Variants in MKI67 observed in about 807,000 individuals in gnomAD.
MKI67 encodes marker of proliferation Ki-67, also known as proliferation marker protein Ki-67.
A neutral mutation model predicts 233.5 loss-of-function variants in MKI67; 152 were observed. The observed-to-expected ratio is 0.65, with a 90% CI of 0.57 to 0.74. MKI67 has a LOEUF of 0.74. Ranked by LOEUF, MKI67 falls within the 30% of genes least tolerant of loss-of-function variation. MKI67 has a pLI of 0.00. For synonymous variants in MKI67, 1,465 were observed against 1,418.5 expected (o/e 1.03, Z -0.74); for missense variants, 3,940 against 3,885.2 (o/e 1.01, Z -0.37).
intron 5 of MKI67, among the ~76,000 whole-genome samples, chr10:128,116,975 A>T (rs1852820917): frequency 6.6e-6 from 1 of 152,334 alleles, no homozygotes; most frequent in South Asian, 2.1e-4. Flanking sequence ...ACTTTTAAAG[A>T]CTGTTTGAGA....
At chr10:128,118,294 G>T (rs1040057350) in intron 5 of MKI67, among the ~76,000 whole-genome samples, 1 of 151,926 alleles carries the variant, frequency 6.6e-6, no homozygotes, top group Non-Finnish European at 1.5e-5. Flanking sequence ...TACTCGGGAG[G>T]CTGAGGCAGG....
intron 5 of MKI67, 144 bp downstream of exon 5, chr10:128,119,109 G>T (rs975920403): frequency 1.2e-5 from 8 of 655,642 alleles, no homozygotes; most frequent in Non-Finnish European, 2.2e-5. Context: ...AGTTCAACTC[G>T]TTTTTATACT....
rs1388835536 is a variant in MKI67 at position 128,119,248 on chromosome 10, A to G, written c.354+5T>C. On this transcript the variant is annotated splice_donor_5th_base_variant and intron_variant, in intron 5 of 14. Coordinates refer to ENST00000368654, the MANE Select transcript of MKI67 (RefSeq NM_002417.5). ...ATCAGCCCAAACTTGGATATTTTCT[A>G]TCACCTGTTCACGTATTTTTCTTGG... 8 of 1,595,642 alleles carry G rather than the reference A, an allele frequency of 5.0e-6. No homozygotes were observed. The highest frequency in any genetic ancestry group is 6.9e-6 in the Non-Finnish European group (8 of 1,164,032).
In MKI67 at chr10:128,108,680, T is replaced by G; in HGVS notation, c.3160A>C (p.Thr1054Pro). 1 of 1,614,200 alleles carries G rather than the reference T, an allele frequency of 6.2e-7. No homozygotes were observed. Among genetic ancestry groups the G allele is most frequent in the Non-Finnish European group, 8.5e-7 (1 of 1,180,026 alleles). The stretch of plus-strand genomic sequence containing the variant: ...CCATCTCCTGCTGGCTCTCTGTGCG[T>G]GTGCGTGGTCTCCCCTGACGTCCGT... ...FTRTSGETTHTHREPAGDGKS... is the reference protein window; with the variant it reads ...FTRTSGETTHPHREPAGDGKS... The change falls in exon 13 of 15, where the codon ACG becomes CCG. Residue 1054 changes from threonine to proline, a missense_variant. Coordinates refer to ENST00000368654, the MANE Select transcript of MKI67 (RefSeq NM_002417.5).
Position 128,105,657 on chromosome 10 carries a change from CCT to C in MKI67, c.6181_6182del (p.Arg2061ValfsTer6). ...CCTCTTCCTTAGGTGTTCTTGGCCACCTCTCCATCCCAGTTCCATAGTTTGCT... is the reference window on the plus strand; with the variant it reads ...CCTCTTCCTTAGGTGTTCTTGGCCACCTCCATCCCAGTTCCATAGTTTGCT... ...DPANYGTGME[R>X]WPRTPKEEAQ... On this transcript the variant is annotated frameshift_variant, in exon 13 of 15. Transcript: ENST00000368654. LOFTEE classifies it high-confidence loss of function. 1 of 1,613,306 alleles carries C rather than the reference CCT, an allele frequency of 6.2e-7. No homozygotes were observed. Among genetic ancestry groups the C allele is most frequent in the Non-Finnish European group, 8.5e-7 (1 of 1,179,884 alleles).
Position 128,125,192 on chromosome 10 carries a change from T to A in MKI67, c.92+384A>T, listed in dbSNP as rs1331304692. Among the ~76,000 whole-genome samples the A allele has an allele frequency of 6.6e-6, 1 of 152,216 alleles. No homozygotes were observed. Among genetic ancestry groups the A allele is most frequent in the Non-Finnish European group, 1.5e-5 (1 of 68,038 alleles). On this transcript the variant is annotated intron_variant, in intron 2 of 14. Transcript: ENST00000368654. This position sits in a 1 kb window ranked among gnomAD's most constrained non-coding sequence, Gnocchi z 5.3. ...CACAAGGAGCCAAGAGACAAGTGTA[T>A]GGCTTCCTTCCTTCATTCTCTGTGT...
Position 128,102,648 on chromosome 10 carries a change from C to T in MKI67, c.9192G>A (p.Glu3064=), listed in dbSNP as rs1852360152. 6.2e-7 allele frequency: 1 copy of T among 1,614,074 alleles called. No homozygotes were observed. Among genetic ancestry groups the T allele is most frequent in the Admixed American group, 1.7e-5 (1 of 60,000 alleles). The change falls in exon 13 of 15, where the codon GAG becomes GAA. Residue 3064 remains glutamate, a synonymous_variant. Coordinates refer to ENST00000368654, the MANE Select transcript of MKI67 (RefSeq NM_002417.5). ...TSAKRIEPAE[E]LNSNDMKTNK... ...TGGTTTTCATGTCGTTGCTGTTCAG[C>T]TCTTCCGCAGGTTCAATTCTTTTTG...
chr10:128,125,476 G>T lies in MKI67; in HGVS notation c.92+100C>A. ...GGAGAAGCACCAAGGAAAAGTGACG[G>T]CAGGACCCAATCCTAGAGCGCGTTT... On this transcript the variant is annotated intron_variant, in intron 2 of 14. Coordinates refer to ENST00000368654, the MANE Select transcript of MKI67 (RefSeq NM_002417.5). This position sits in a 1 kb window ranked among gnomAD's most constrained non-coding sequence, Gnocchi z 5.3. The T allele has an allele frequency of 1.1e-6, 1 of 892,476 alleles. No individual in the cohort carries two copies. The highest frequency in any genetic ancestry group is 1.8e-6 in the Non-Finnish European group (1 of 542,084). The allele number at this position is 892,476 out of a possible 1,614,324, so 55.3% of individuals were successfully genotyped here. A position where few individuals can be genotyped will look rare whatever the true frequency, so the allele number is the denominator to read the frequency against.
rs575714874 is a variant in MKI67, at chr10:128,115,629, T to C, written c.779A>G (p.Tyr260Cys). 113 of 1,614,086 alleles carry C rather than the reference T, an allele frequency of 7.0e-5. No homozygotes were observed. The highest frequency in any genetic ancestry group is 3.3e-4 in the Middle Eastern group (2 of 6,062). Residue 260 changes from tyrosine (Y) to cysteine (C), a missense_variant, in exon 7 of 15, where the codon TAT becomes TGT. Coordinates refer to ENST00000368654, the MANE Select transcript of MKI67 (RefSeq NM_002417.5). ...VKSQKENVLQ[Y>C]CRKSGLQTDY... ...AGTTTGTAATCCAGATTTTCTACAA[T>C]ACTGTAGGACATTTTCTTTTTGTGA...
chr10:128,099,030 G>T lies in MKI67; in HGVS notation c.*160C>A, dbSNP rs1444056706. ...GGAGCCCAGCAGTGCTCCCAGTGGA[G>T]TTTATGAAGCCGATTCAGACCCAGC... On this transcript the variant is annotated 3_prime_UTR_variant, in exon 15 of 15. Coordinates refer to ENST00000368654, the MANE Select transcript of MKI67 (RefSeq NM_002417.5). 1 of 557,278 alleles carries T rather than the reference G, an allele frequency of 1.8e-6. No homozygotes were observed. Among genetic ancestry groups the T allele is most frequent in the Non-Finnish European group, 3.1e-6 (1 of 320,134 alleles). The allele number at this position is 557,278 out of a possible 1,614,324, so 34.5% of individuals were successfully genotyped here. A position where few individuals can be genotyped will look rare whatever the true frequency, so the allele number is the denominator to read the frequency against.
At position 128,101,511 on chromosome 10, in the gene MKI67, T is replaced by C; in HGVS notation, c.9452A>G (p.Glu3151Gly). 3 of 1,614,242 alleles carry C rather than the reference T, an allele frequency of 1.9e-6. No homozygotes were observed. The highest frequency in any genetic ancestry group is 2.5e-6 in the Non-Finnish European group (3 of 1,180,030). Reference protein sequence around the residue: ...RKPIPRDKVTENKRCLRSARQ... With the variant: ...RKPIPRDKVTGNKRCLRSARQ... ...AGCAGACCTCAAGCACCTTTTGTTC[T>C]CAGTGACTTTGTCTCTAGGTATGGG... Residue 3151 changes from glutamate (E) to glycine (G), a missense_variant, in exon 14 of 15, where the codon GAG becomes GGG. Glu to Gly is a moderately conservative substitution (Grantham distance 98). Coordinates refer to ENST00000368654, the MANE Select transcript of MKI67 (RefSeq NM_002417.5).
chr10:128,117,309 T>A (rs539419746), intron 5 of MKI67, among the ~76,000 whole-genome samples: 2 of 152,348 alleles, frequency 1.3e-5, no homozygotes, highest in Non-Finnish European at 2.9e-5. Flanking sequence ...ATGTGCGCCC[T>A]CTTGGCTGGT....
At chr10:128,113,659 G>A (rs1852731066) in intron 7 of MKI67, 57 bp from the exon 8 acceptor site, 4 of 1,487,796 alleles carry the variant, frequency 2.7e-6, no homozygotes, top group Admixed American at 1.7e-5. Flanking sequence ...CAAGACTAGT[G>A]ATTTATTTCA....
rs1275220915 is a variant in MKI67, at chr10:128,103,109, T to A, written c.8731A>T (p.Lys2911Ter). Residue 2911 changes from lysine to a stop codon, truncating the protein, a stop_gained, in exon 13 of 15, where the codon AAG (lysine) becomes TAG (stop). Transcript: ENST00000368654. LOFTEE classifies it high-confidence loss of function. ...GCCAGATCTTCCAGGGGTTGGGCCT[T>A]TTCCTTAGGTGCTCTTGGCTGTCTC... is the stretch of plus-strand genomic sequence containing the variant. ...SRRQPRAPKE[K>*]AQPLEDLASF... The A allele has an allele frequency of 6.2e-7, 1 of 1,614,238 alleles. No homozygotes were observed. Among genetic ancestry groups the A allele is most frequent in the Admixed American group, 1.7e-5 (1 of 60,030 alleles).
At position 128,103,725 on chromosome 10, in the gene MKI67, G is replaced by T. The variant is rs1054294808; in HGVS notation, c.8115C>A (p.Pro2705=). Residue 2705 remains proline (P), a synonymous_variant, in exon 13 of 15, where the codon CCC becomes CCA. Transcript: ENST00000368654. ...SLTAGKATKI[P]CESPPLEVVD... Reference sequence around the variant, plus strand: ...CCACTTCTAGTGGGGGAGATTCGCAGGGTATTTTAGTGGCTTTGCCAGCAG... The same window carrying T: ...CCACTTCTAGTGGGGGAGATTCGCATGGTATTTTAGTGGCTTTGCCAGCAG... 19 of 1,614,000 alleles carry T rather than the reference G, an allele frequency of 1.2e-5. No individual in the cohort carries two copies. Among genetic ancestry groups the T allele is most frequent in the Non-Finnish European group, 1.6e-5 (19 of 1,180,034 alleles).
rs954960676 is a variant in MKI67 at position 128,115,845 on chromosome 10, G to C, written c.563C>G (p.Ala188Gly). Residue 188 changes from alanine to glycine, a missense_variant, in exon 7 of 15, where the codon GCT (alanine) becomes GGT (glycine). By Grantham distance (60) the Ala-to-Gly change is moderately conservative (BLOSUM62 0). Transcript: ENST00000368654. ...GTTNVHSSEH[A>G]GRNGRNAADP... is the part of the protein sequence containing the mutation. ...AGCTGCATTTCTGCCATTACGTCCA[G>C]CATGTTCTGAGGAATGAACATTAGT... is the stretch of plus-strand genomic sequence containing the variant. The C allele has an allele frequency of 1.2e-6, 2 of 1,608,712 alleles. No individual in the cohort carries two copies. The highest frequency in any genetic ancestry group is 2.2e-5 in the East Asian group (1 of 44,868).
In MKI67 at chr10:128,112,122, G is replaced by C; in HGVS notation, c.1969+11C>G. Reference sequence around the variant, plus strand: ...TTCACCTTAATATATGTATTCTAATGTCAGACTAACCAATCAGATTTGCTT... The same window carrying C: ...TTCACCTTAATATATGTATTCTAATCTCAGACTAACCAATCAGATTTGCTT... On this transcript the variant is annotated intron_variant, in intron 9 of 14. Coordinates refer to ENST00000368654, the MANE Select transcript of MKI67 (RefSeq NM_002417.5). The C allele has an allele frequency of 6.2e-7, 1 of 1,612,552 alleles. No homozygotes were observed.
Position 128,125,135 on chromosome 10 carries a change from C to A in MKI67, c.92+441G>T, listed in dbSNP as rs574314913. Reference sequence around the variant, plus strand: ...AGAGGAAACGTTCTCGAATTCCAGGCAGGAAGACTTTCTGTCCCATTTTCC... The same window carrying A: ...AGAGGAAACGTTCTCGAATTCCAGGAAGGAAGACTTTCTGTCCCATTTTCC... On this transcript the variant is annotated intron_variant, in intron 2 of 14. Coordinates refer to ENST00000368654, the MANE Select transcript of MKI67 (RefSeq NM_002417.5). The surrounding 1 kb of genome is among the most constrained non-coding windows in gnomAD (Gnocchi z 5.3). 6.6e-6 allele frequency among the ~76,000 whole-genome samples: 1 copy of A among 152,282 alleles called. No individual in the cohort carries two copies. Among genetic ancestry groups the A allele is most frequent in the East Asian group, 1.9e-4 (1 of 5,160 alleles).
chr10:128,113,280 C>T, intron 8 of MKI67, 147 bp downstream of exon 8: 1 of 983,998 alleles, frequency 1.0e-6, no homozygotes, highest in Non-Finnish European at 1.5e-6. Flanking sequence ...CATCAATGAG[C>T]TTTCATTCGT....
Sources: allele counts gnomAD v4.1 joint callset (sites outside exome capture counted in the v4.1 genomes callset), GRCh38; gene constraint gnomAD v4.1.1; non-coding constraint Gnocchi (gnomAD v3.1); transcripts MANE v1.5; gene names NCBI Gene and HGNC (gene_info 2026-07-23, HGNC 2026-07-21).